Variants in SEPTIN7 observed in about 807,000 individuals in gnomAD.
SEPTIN7 encodes septin 7.
Under a neutral mutation model 63.3 loss-of-function variants are expected in SEPTIN7, and 10 were observed. The observed-to-expected ratio is 0.16, with a 90% CI of 0.10 to 0.27. The LOEUF (loss-of-function observed/expected upper bound fraction) is 0.27, where lower values mean the gene tolerates loss of function less well. Among genes scored for constraint, SEPTIN7 ranks in the 10% least tolerant of loss-of-function variants. The pLI is 1.00. For synonymous variants in SEPTIN7, 131 were observed against 165.3 expected, an observed-to-expected ratio of 0.79 and a Z score of 1.59; for missense variants, 310 against 521.0, an observed-to-expected ratio of 0.59 and a Z score of 3.94.
chr7:35,855,705 G>T (rs1785170326), intron 3 of SEPTIN7, among the ~76,000 whole-genome samples: 1 of 152,128 alleles, frequency 6.6e-6, no homozygotes, highest in South Asian at 2.1e-4. Flanking sequence ...TCACTACAGA[G>T]AATTCAGAGA....
intron 9 of SEPTIN7, among the ~76,000 whole-genome samples, 166 bp downstream of exon 9, chr7:35,884,153 T>G (rs1162028353): frequency 6.6e-6 from 1 of 152,158 alleles, no homozygotes; most frequent in African/African-American, 2.4e-5. Context: ...TTTAAGTACA[T>G]TGGTATTTTT....
At chr7:35,859,309 C>T (rs1176508499) in intron 3 of SEPTIN7, among the ~76,000 whole-genome samples, 1 of 152,008 alleles carries the variant, frequency 6.6e-6, no homozygotes, top group Non-Finnish European at 1.5e-5. Flanking sequence ...GTCAGTTTTC[C>T]TAGTTTCCCT....
intron 3 of SEPTIN7, chr7:35,848,122 C>CAGAAA (rs2116033884): frequency 6.6e-6 from 1 of 152,314 alleles, no homozygotes; most frequent in South Asian, 2.1e-4. Context: ...TCTGCAAAAT[C>CAGAAA]TACTTTTTCT....
chr7:35,817,150 A>G (rs1365247568), intron 1 of SEPTIN7, among the ~76,000 whole-genome samples: 3 of 152,066 alleles, frequency 2.0e-5, no homozygotes, highest in African/African-American at 7.2e-5. Context: ...TCATGAAAAT[A>G]TACCCCTATG....
intron 1 of SEPTIN7, among the ~76,000 whole-genome samples, chr7:35,829,704 G>A (rs770724202): frequency 7.2e-5 from 11 of 152,108 alleles, no homozygotes; most frequent in South Asian, 2.1e-4. Context: ...CAATCTCTGC[G>A]TTGATGGAGC....
At chr7:35,862,680 C>T (rs1785573392) in intron 3 of SEPTIN7, among the ~76,000 whole-genome samples, 1 of 152,062 alleles carries the variant, frequency 6.6e-6, no homozygotes, top group Non-Finnish European at 1.5e-5. Context: ...TCCTCCTAGA[C>T]ATAAAAATAT....
At chr7:35,805,916 G>T (rs1788305746) in intron 1 of SEPTIN7, among the ~76,000 whole-genome samples, 1 of 152,140 alleles carries the variant, frequency 6.6e-6, no homozygotes, top group African/African-American at 2.4e-5. Flanking sequence ...AGCTTTATTG[G>T]AGGTGAGGCT....
chr7:35,880,300 A>C (rs1471438575), intron 7 of SEPTIN7, among the ~76,000 whole-genome samples: 1 of 101,396 alleles, frequency 9.9e-6, no homozygotes, highest in Non-Finnish European at 1.9e-5. Flanking sequence ...AAAGGCTATG[A>C]TTGTTTTTAT....
At chr7:35,860,384 C>T (rs1241009318) in intron 3 of SEPTIN7, among the ~76,000 whole-genome samples, 9 of 152,064 alleles carry the variant, frequency 5.9e-5, no homozygotes, top group Non-Finnish European at 1.0e-4. Context: ...AACTTGCAAA[C>T]CAAAATTATA....
At chr7:35,874,288 T>A (rs1168051212) in intron 6 of SEPTIN7, among the ~76,000 whole-genome samples, 2 of 152,176 alleles carry the variant, frequency 1.3e-5, no homozygotes, top group Non-Finnish European at 2.9e-5. Context: ...TCAGGTATCA[T>A]ATTGTCAGTA....
the SEPTIN7 span, among the ~76,000 whole-genome samples, chr7:35,915,267 A>G: frequency 6.6e-6 from 1 of 151,990 alleles, no homozygotes; most frequent in Non-Finnish European, 1.5e-5. Flanking sequence ...ACATATATAT[A>G]TATACACACA....
intron 12 of SEPTIN7, chr7:35,901,095 A>G (rs1044782249): frequency 1.3e-5 from 2 of 152,192 alleles, no homozygotes; most frequent in African/African-American, 4.8e-5. Context: ...TAAATCCATT[A>G]TGCTGGAAAT....
chr7:35,821,040 CT>C (rs1489106218), intron 1 of SEPTIN7, among the ~76,000 whole-genome samples: 5 of 150,710 alleles, frequency 3.3e-5, no homozygotes, highest in Admixed American at 6.6e-5. Context: ...GAGAGTGAGG[CT>C]TTGAAAGCAT....
chr7:35,819,065 C>T (rs1789255684), intron 1 of SEPTIN7, among the ~76,000 whole-genome samples: 1 of 151,876 alleles, frequency 6.6e-6, no homozygotes, highest in Admixed American at 6.6e-5. Flanking sequence ...TGAGATCTTT[C>T]TTTTTAATAT....
chr7:35,894,851 T>A (rs1450633230), intron 11 of SEPTIN7, among the ~76,000 whole-genome samples: 1 of 152,198 alleles, frequency 6.6e-6, no homozygotes, highest in Non-Finnish European at 1.5e-5. Flanking sequence ...TCATATGTAA[T>A]GCAGCAAAGT....
intron 1 of SEPTIN7, among the ~76,000 whole-genome samples, chr7:35,803,709 G>T (rs1485120065): frequency 6.6e-6 from 1 of 152,142 alleles, no homozygotes; most frequent in East Asian, 1.9e-4. Context: ...TAAGTTTTGA[G>T]ACAAAACTTT....
At position 35,801,086 on chromosome 7, in the gene SEPTIN7, C is replaced by T; in HGVS notation, c.-124C>T. 1.5e-6 allele frequency: 1 copy of T among 677,326 alleles called. No homozygotes were observed. Among genetic ancestry groups the T allele is most frequent in the Non-Finnish European group, 2.3e-6 (1 of 438,962 alleles). 42.0% of individuals were successfully genotyped at this position (677,326 alleles called of 1,614,324 possible). On this transcript the variant is annotated 5_prime_UTR_variant, in exon 1 of 14. Transcript: ENST00000350320. ...GAGCGAGAGCCTGTGGAGGAGTCCG[C>T]CTGCTGTAGCGTGCGTAAGCAAGGC...
At chr7:35,839,882 A>G in intron 3 of SEPTIN7, among the ~76,000 whole-genome samples, 1 of 152,064 alleles carries the variant, frequency 6.6e-6, no homozygotes, top group Non-Finnish European at 1.5e-5. Context: ...GATGGACACT[A>G]GGTTTGTTTT....
chr7:35,852,770 A>G (rs1184583696), intron 3 of SEPTIN7, among the ~76,000 whole-genome samples: 1 of 152,120 alleles, frequency 6.6e-6, no homozygotes, highest in Non-Finnish European at 1.5e-5. Flanking sequence ...ATAAGCTACA[A>G]ATACCTCATT....
Sources: allele counts gnomAD v4.1 joint callset (sites outside exome capture counted in the v4.1 genomes callset), GRCh38; gene constraint gnomAD v4.1.1; transcripts MANE v1.5; gene names NCBI Gene and HGNC (gene_info 2026-07-23, HGNC 2026-07-21).